CHSY1: variants seen among roughly 807,000 people sequenced by gnomAD.
The protein encoded by CHSY1 is N-acetylgalactosaminyl-proteoglycan 3-beta-glucuronosyltransferase 1.
CHSY1 carries 13 observed loss-of-function variants against 59.8 expected under a neutral mutation model. That is an observed-to-expected ratio of 0.22 (90% CI 0.14 to 0.35). The LOEUF (loss-of-function observed/expected upper bound fraction) is 0.35, where lower values mean the gene tolerates loss of function less well. Ranked by LOEUF, CHSY1 falls within the 10% of genes least tolerant of loss-of-function variation. CHSY1 has a pLI of 1.00. For missense variants in CHSY1, 947 were observed against 1,030.6 expected (o/e 0.92, Z 1.11); for synonymous variants, 459 against 401.2 (o/e 1.14, Z -1.72).
chr15:101,243,146 T>C (rs1401201988), intron 1 of CHSY1, among the ~76,000 whole-genome samples: 5 of 152,130 alleles, frequency 3.3e-5, no homozygotes, highest in Admixed American at 2.6e-4. Flanking sequence ...TATTAAGAGC[T>C]ACGAGGAGCC....
At chr15:101,229,056 T>A (rs1215465008) in intron 2 of CHSY1, among the ~76,000 whole-genome samples, 1 of 152,220 alleles carries the variant, frequency 6.6e-6, no homozygotes, top group Non-Finnish European at 1.5e-5. Context: ...TCAGGTAAGA[T>A]GTTCATCCCC....
rs56793692 is a variant in CHSY1, at chr15:101,204,435, AAAT to A, written c.817-25458_817-25456del. ...GGCAGTAAGAGCGAAACTCCATCTCAAATAATAATAATAATAATAATAATAATA... is the reference window on the plus strand; with the variant it reads ...GGCAGTAAGAGCGAAACTCCATCTCAAATAATAATAATAATAATAATAATA... On this transcript the variant is annotated intron_variant, in intron 2 of 2. Coordinates refer to ENST00000254190, the MANE Select transcript of CHSY1 (RefSeq NM_014918.5). Among the ~76,000 whole-genome samples, 755 of 143,942 alleles carry A rather than the reference AAAT, an allele frequency of 5.2e-3. 6 individuals are homozygous for A. Among genetic ancestry groups the A allele is most frequent in the East Asian group, 0.013 (63 of 5,010 alleles). The allele number at this position is 143,942 out of a possible 152,430, so 94.4% of individuals were successfully genotyped here.
chr15:101,190,289 G>A (rs1388122029), intron 2 of CHSY1, among the ~76,000 whole-genome samples: 1 of 152,192 alleles, frequency 6.6e-6, no homozygotes. Context: ...AGGGAAGCTA[G>A]TAAAGCTTTA....
intron 1 of CHSY1, among the ~76,000 whole-genome samples, chr15:101,248,076 C>T (rs901329545): frequency 5.9e-5 from 9 of 151,964 alleles, no homozygotes; most frequent in African/African-American, 9.7e-5. Context: ...CTACAGTTTT[C>T]GATAAGATGA....
At chr15:101,204,445 A>AATAATAATAAT (rs1223566680) in intron 2 of CHSY1, among the ~76,000 whole-genome samples, 57 of 51,902 alleles carry the variant, frequency 1.1e-3, no homozygotes, top group African/African-American at 6.4e-3. Flanking sequence ...AAATAATAAT[A>AATAATAATAAT]ATAATAATAA....
In CHSY1 at chr15:101,178,913, C is replaced by G. The variant is rs779281515; in HGVS notation, c.884G>C (p.Ser295Thr). The change falls in exon 3 of 3, where the codon AGT becomes ACT. Residue 295 changes from serine (S) to threonine (T), a missense_variant. By Grantham distance (58) the Ser-to-Thr change is moderately conservative. This residue lies in a region of CHSY1 where 602 missense variants were observed against 676.9 expected (regional missense o/e 0.89). Transcript: ENST00000254190. ...KKGYIRDLHN[S>T]KIHQAITLHP... Reference sequence around the variant, plus strand: ...TAATGTGATAGCTTGGTGAATTTTACTGTTATGGAGATCTCTAATGTACCC... The same window carrying G: ...TAATGTGATAGCTTGGTGAATTTTAGTGTTATGGAGATCTCTAATGTACCC... The G allele has an allele frequency of 1.4e-5, 22 of 1,613,894 alleles. No individual in the cohort carries two copies. Among genetic ancestry groups the G allele is most frequent in the Non-Finnish European group, 1.8e-5 (21 of 1,179,976 alleles).
chr15:101,176,168 C>T lies in CHSY1; in HGVS notation c.*1220G>A, dbSNP rs2038185275. ...ACAGACTAAACACACTCCCGATACA[C>T]ATAAATAATACTAACTAACAGGTAC... is the stretch of plus-strand genomic sequence containing the variant. On this transcript the variant is annotated 3_prime_UTR_variant, in exon 3 of 3. Transcript: ENST00000254190. 2 of 398,206 alleles carry T rather than the reference C, an allele frequency of 5.0e-6. No individual in the cohort carries two copies. The highest frequency in any genetic ancestry group is 1.3e-4 in the South Asian group (1 of 7,508). 24.7% of individuals were successfully genotyped at this position (398,206 alleles called of 1,614,324 possible). A position where few individuals can be genotyped will look rare whatever the true frequency, so the allele number is the denominator to read the frequency against.
chr15:101,211,714 C>G (rs527326875), intron 2 of CHSY1, among the ~76,000 whole-genome samples: 27 of 152,042 alleles, frequency 1.8e-4, no homozygotes, highest in African/African-American at 6.3e-4. Flanking sequence ...ATTTGACTAT[C>G]AAGGGAGAAA....
chr15:101,185,294 A>G (rs2038341726), intron 2 of CHSY1, among the ~76,000 whole-genome samples: 1 of 152,250 alleles, frequency 6.6e-6, no homozygotes, highest in Non-Finnish European at 1.5e-5. Context: ...AAAGAAATTC[A>G]TACATCATCT....
At chr15:101,208,612 T>C (rs1020630715) in intron 2 of CHSY1, among the ~76,000 whole-genome samples, 1 of 148,454 alleles carries the variant, frequency 6.7e-6, no homozygotes, top group African/African-American at 2.5e-5. Context: ...ACTCGGGAGG[T>C]AGAGGCATGA....
At chr15:101,245,890 T>C (rs1187208109) in intron 1 of CHSY1, among the ~76,000 whole-genome samples, 1 of 152,256 alleles carries the variant, frequency 6.6e-6, no homozygotes, top group Non-Finnish European at 1.5e-5. Flanking sequence ...GTATAAATGT[T>C]TGCCAAGTTG....
At chr15:101,247,633 C>A (rs1450148125) in intron 1 of CHSY1, among the ~76,000 whole-genome samples, 1 of 152,196 alleles carries the variant, frequency 6.6e-6, no homozygotes, top group African/African-American at 2.4e-5. Flanking sequence ...TCACTCAGGG[C>A]CTCCAAAGCT....
At chr15:101,241,952 AAT>A (rs1308375019) in intron 1 of CHSY1, among the ~76,000 whole-genome samples, 2 of 152,238 alleles carry the variant, frequency 1.3e-5, no homozygotes, top group Non-Finnish European at 2.9e-5. Flanking sequence ...GTATACTTTA[AAT>A]AGTCTCTAGA....
chr15:101,201,349 C>A (rs1223933875), intron 2 of CHSY1, among the ~76,000 whole-genome samples: 4 of 152,200 alleles, frequency 2.6e-5, no homozygotes, highest in African/African-American at 9.7e-5. Context: ...CCGTGAATAT[C>A]AACGTTAAGG....
intron 2 of CHSY1, among the ~76,000 whole-genome samples, chr15:101,226,626 A>G (rs1032470546): frequency 6.6e-6 from 1 of 152,074 alleles, no homozygotes; most frequent in Non-Finnish European, 1.5e-5. Context: ...GCTATGTCCT[A>G]AACTTACCAC....
chr15:101,211,496 G>A (rs1480137353), intron 2 of CHSY1, among the ~76,000 whole-genome samples: 3 of 152,252 alleles, frequency 2.0e-5, no homozygotes, highest in African/African-American at 7.2e-5. Context: ...TAATATATAT[G>A]TAACTAGAGA....
At chr15:101,205,113 T>C (rs2038612017) in intron 2 of CHSY1, among the ~76,000 whole-genome samples, 1 of 152,246 alleles carries the variant, frequency 6.6e-6, no homozygotes, top group African/African-American at 2.4e-5. Flanking sequence ...GTAATCTATT[T>C]TTATTAAGCT....
In CHSY1 at chr15:101,212,922, G is replaced by A. The variant is rs540067343; in HGVS notation, c.816+22160C>T. Among the ~76,000 whole-genome samples the A allele has an allele frequency of 1.3e-4, 20 of 152,260 alleles. No individual in the cohort carries two copies. The South Asian group carries it at 3.9e-3, about 30-fold the overall frequency. The stretch of plus-strand genomic sequence containing the variant: ...CAAGTATAATAAAGTATTACTGGTA[G>A]AATCCAGGTGGTAAGTATATAAATA... On this transcript the variant is annotated intron_variant, in intron 2 of 2. Coordinates refer to ENST00000254190, the MANE Select transcript of CHSY1 (RefSeq NM_014918.5).
intron 2 of CHSY1, among the ~76,000 whole-genome samples, chr15:101,215,665 G>A (rs977145539): frequency 2.0e-5 from 3 of 152,240 alleles, no homozygotes; most frequent in African/African-American, 4.8e-5. Flanking sequence ...AACCTGGGAG[G>A]TGGAGGCTGC....
Sources: gnomAD v4.1 joint callset for allele counts (sites outside exome capture counted in the v4.1 genomes callset) on GRCh38, gnomAD v4.1.1 for gene constraint, gnomAD v4.1.1 regional missense constraint, MANE v1.5 for transcripts, NCBI Gene and HGNC (gene_info 2026-07-23, HGNC 2026-07-21) for gene names.